The following RPH3A variants were observed in gnomAD, a reference collection of about 807,000 sequenced individuals.
RPH3A encodes the protein rabphilin-3A.
Under a neutral mutation model 102.2 loss-of-function variants are expected in RPH3A, and 48 were observed. The ratio of observed to expected loss-of-function variants is 0.47; its 90% CI spans 0.37 to 0.60. RPH3A has a LOEUF of 0.60. Among genes scored for constraint, RPH3A ranks in the 20% least tolerant of loss-of-function variants. The pLI, the probability that RPH3A is intolerant of heterozygous loss-of-function variation, is 0.00. For synonymous variants in RPH3A, 310 were observed against 324.3 expected (o/e 0.96, Z 0.47); for missense variants, 781 against 910.1 (o/e 0.86, Z 1.83).
intron 2 of RPH3A, among the ~76,000 whole-genome samples, chr12:112,821,938 C>A (rs993491405): frequency 6.6e-6 from 1 of 151,650 alleles, no homozygotes; most frequent in Non-Finnish European, 1.5e-5. Flanking sequence ...TTAATTAAAT[C>A]CTGCGCTTTT....
At chr12:112,893,792 G>T (rs1250786664) in intron 19 of RPH3A, 1 of 152,298 alleles carries the variant, frequency 6.6e-6, no homozygotes. Flanking sequence ...GCCTCCTAAA[G>T]TGCAGAGATT....
chr12:112,761,153 T>G (rs1032873241), intron 1 of RPH3A, among the ~76,000 whole-genome samples: 2 of 152,224 alleles, frequency 1.3e-5, no homozygotes, highest in African/African-American at 4.8e-5. Context: ...TAATCTCTTT[T>G]ATCCTGCTTT....
intron 1 of RPH3A, among the ~76,000 whole-genome samples, chr12:112,609,221 G>A (rs1042075417): frequency 3.9e-4 from 59 of 152,226 alleles, no homozygotes; most frequent in African/African-American, 1.3e-3. Context: ...ACAAGTGCAC[G>A]CCACCATGTC....
chr12:112,824,929 A>G (rs1484964086), intron 2 of RPH3A, among the ~76,000 whole-genome samples: 2 of 152,150 alleles, frequency 1.3e-5, no homozygotes, highest in East Asian at 3.9e-4. Context: ...CCTTTATCCC[A>G]GACCTACCTT....
intron 1 of RPH3A, among the ~76,000 whole-genome samples, chr12:112,705,960 A>G (rs950938404): frequency 6.6e-6 from 1 of 152,222 alleles, no homozygotes; most frequent in Non-Finnish European, 1.5e-5. Flanking sequence ...TGCTGGGAAT[A>G]TGATGGATGT....
intron 1 of RPH3A, among the ~76,000 whole-genome samples, chr12:112,622,257 T>C (rs1399867927): frequency 5.1e-5 from 4 of 78,862 alleles, no homozygotes; most frequent in Non-Finnish European, 8.2e-5. Flanking sequence ...ATCAAATGAC[T>C]CTGAGCTACG....
At chr12:112,821,737 T>C (rs1177176504) in intron 2 of RPH3A, among the ~76,000 whole-genome samples, 2 of 152,228 alleles carry the variant, frequency 1.3e-5, no homozygotes, top group African/African-American at 4.8e-5. Context: ...TTTAATATTC[T>C]ACTTGTTTGC....
intron 1 of RPH3A, among the ~76,000 whole-genome samples, chr12:112,702,388 A>G (rs1351469365): frequency 6.6e-6 from 1 of 152,134 alleles, no homozygotes. Flanking sequence ...GGGATGAGAG[A>G]TTTGCCCAGG....
chr12:112,875,142 C>T lies in RPH3A; in HGVS notation c.855C>T (p.Ser285=), dbSNP rs774067218. Residue 285 remains serine (S), a synonymous_variant, in exon 11 of 22, where the codon AGC becomes AGT. Coordinates refer to ENST00000389385, the MANE Select transcript of RPH3A (RefSeq NM_001143854.2). ...ASRPAPGSVQ[S]PAPPQPGQPG... ...GACCTGCCCCAGGCTCGGTGCAGAG[C>T]CCAGCGCCACCTCAGCCTGGGCAGC... is the stretch of plus-strand genomic sequence containing the variant. The T allele has an allele frequency of 1.9e-6, 3 of 1,607,804 alleles. No homozygotes were observed. Among genetic ancestry groups the T allele is most frequent in the Non-Finnish European group, 1.7e-6 (2 of 1,177,600 alleles).
rs142184597 is a variant in RPH3A, at chr12:112,861,215, C to T, written c.231-4199C>T. Among the ~76,000 whole-genome samples, 7 of 152,288 alleles carry T rather than the reference C, an allele frequency of 4.6e-5. No individual in the cohort carries two copies. In the East Asian group the frequency reaches 1.4e-3, roughly 29 times the overall value. On this transcript the variant is annotated intron_variant, in intron 5 of 21. Coordinates refer to ENST00000389385, the MANE Select transcript of RPH3A (RefSeq NM_001143854.2). ...TGACAACCACCAATGCAACCCAATGCCTCCTATTTTCCAGATGAGCAAATT... is the reference window on the plus strand; with the variant it reads ...TGACAACCACCAATGCAACCCAATGTCTCCTATTTTCCAGATGAGCAAATT...
intron 2 of RPH3A, among the ~76,000 whole-genome samples, chr12:112,793,872 C>G (rs143516992): frequency 6.6e-6 from 1 of 152,002 alleles, no homozygotes; most frequent in Non-Finnish European, 1.5e-5. Flanking sequence ...TTGGGGGGAT[C>G]TTAGGGGGCT....
intron 5 of RPH3A, among the ~76,000 whole-genome samples, chr12:112,849,034 G>A (rs1754939748): frequency 6.6e-6 from 1 of 152,166 alleles, no homozygotes; most frequent in African/African-American, 2.4e-5. Flanking sequence ...CCTTCTGCCA[G>A]GGGAAGCCAT....
intron 4 of RPH3A, among the ~76,000 whole-genome samples, chr12:112,838,287 A>G (rs1053628118): frequency 1.6e-4 from 25 of 152,262 alleles, no homozygotes; most frequent in African/African-American, 6.0e-4. Flanking sequence ...ATGGGATTTT[A>G]TAAGAACAGA....
At chr12:112,590,585 G>T (rs990024101) in intron 1 of RPH3A, among the ~76,000 whole-genome samples, 1 of 152,196 alleles carries the variant, frequency 6.6e-6, no homozygotes, top group African/African-American at 2.4e-5. Context: ...CAGGCTCAGG[G>T]CTGCATTGTT....
At chr12:112,619,244 T>TTCTG (rs1283356508) in intron 1 of RPH3A, among the ~76,000 whole-genome samples, 1 of 132,392 alleles carries the variant, frequency 7.6e-6, no homozygotes, top group Non-Finnish European at 1.6e-5. Context: ...CTTATGGTAA[T>TTCTG]TCTGTGTGTG....
At chr12:112,878,421 A>G (rs2042845688) in intron 13 of RPH3A, among the ~76,000 whole-genome samples, 1 of 152,086 alleles carries the variant, frequency 6.6e-6, no homozygotes, top group South Asian at 2.1e-4. Flanking sequence ...ATATTTGACA[A>G]TGGTTTATTG....
intron 2 of RPH3A, among the ~76,000 whole-genome samples, chr12:112,794,582 AGGACTCCTT>A (rs1472685602): frequency 6.6e-6 from 1 of 152,170 alleles, no homozygotes; most frequent in African/African-American, 2.4e-5. Context: ...AGTAGCAGCA[AGGACTCCTT>A]GGAGAGGCTC....
chr12:112,785,597 T>C (rs73425020), intron 1 of RPH3A, among the ~76,000 whole-genome samples: 4,136 of 152,292 alleles, frequency 0.027, 80 homozygotes, highest in Middle Eastern at 0.031. Flanking sequence ...GGGCTGCCTA[T>C]GTGCCGGGCT....
In RPH3A at chr12:112,792,944, G is replaced by A. The variant is rs372641152; in HGVS notation, c.-19+681G>A. 3.3e-3 allele frequency among the ~76,000 whole-genome samples: 503 copies of A among 152,050 alleles called. 2 individuals are homozygous for A. Among genetic ancestry groups the A allele is most frequent in the African/African-American group, 0.011 (442 of 41,430 alleles). On this transcript the variant is annotated intron_variant, in intron 2 of 21. Transcript: ENST00000389385. ...ATGATGTTTTATTTTCACAGGTGGC[G>A]TAACCTGTAAGTGATTGTATGGGGG...
Sources: allele counts gnomAD v4.1 joint callset (sites outside exome capture counted in the v4.1 genomes callset), GRCh38; gene constraint gnomAD v4.1.1; transcripts MANE v1.5; gene names NCBI Gene and HGNC (gene_info 2026-07-23, HGNC 2026-07-21).